FOXP2: variants seen among roughly 807,000 people sequenced by gnomAD.
FOXP2 encodes the protein forkhead box protein P2.
A neutral mutation model predicts 115.8 loss-of-function variants in FOXP2; 12 were observed. The ratio of observed to expected loss-of-function variants is 0.10; its 90% confidence interval spans 0.07 to 0.17. FOXP2 has a LOEUF of 0.17. Ranked by LOEUF, FOXP2 falls within the 10% of genes least tolerant of loss-of-function variation. The pLI, the probability that FOXP2 is intolerant of heterozygous loss-of-function variation, is 1.00. For synonymous variants in FOXP2, 328 were observed against 297.7 expected (o/e 1.10, Z -1.05); for missense variants, 629 against 843.5 (o/e 0.75, Z 3.15).
At chr7:114,158,278 C>T (rs1792725010), upstream of FOXP2, among the ~76,000 whole-genome samples, 1 of 152,050 alleles carries the variant, frequency 6.6e-6, no homozygotes, top group Non-Finnish European at 1.5e-5. Context: ...CGCAGGCTAG[C>T]CCATCCATTT....
chr7:114,431,289 C>G (rs1490008756), intron 2 of FOXP2, among the ~76,000 whole-genome samples: 2 of 151,904 alleles, frequency 1.3e-5, no homozygotes, highest in Non-Finnish European at 2.9e-5. Context: ...GATGGGGCGC[C>G]TTTTCTCATT....
At chr7:114,426,828 G>A (rs947872400) in intron 2 of FOXP2, 149 bp downstream of exon 2, 14 of 875,632 alleles carry the variant, frequency 1.6e-5, no homozygotes, top group African/African-American at 6.7e-5. Flanking sequence ...TGAAGGATGA[G>A]TAAAGAGATA....
intron 1 of FOXP2, among the ~76,000 whole-genome samples, chr7:114,181,144 C>G (rs891891603): frequency 6.6e-6 from 1 of 151,652 alleles, no homozygotes; most frequent in Non-Finnish European, 1.5e-5. Context: ...TCTTGTGTGC[C>G]TTGTGACCTT....
chr7:114,297,044 C>A, intron 2 of FOXP2: 1 of 346,908 alleles, frequency 2.9e-6, no homozygotes, highest in South Asian at 2.7e-5. Flanking sequence ...TAGTTATATC[C>A]ACTATATGCA....
intron 2 of FOXP2, among the ~76,000 whole-genome samples, chr7:114,334,881 G>T (rs1233529518): frequency 7.1e-6 from 1 of 140,402 alleles, no homozygotes; most frequent in Non-Finnish European, 1.5e-5. Flanking sequence ...TTAAATAAAG[G>T]ATATCTCTGT....
chr7:114,633,526 T>C (rs572709025), intron 6 of FOXP2, among the ~76,000 whole-genome samples: 258 of 152,336 alleles, frequency 1.7e-3, no homozygotes, highest in Middle Eastern at 0.014. Context: ...AACTATGTTT[T>C]CATTAATATA....
In FOXP2 at chr7:114,646,658, A is replaced by C. The variant is rs553806569; in HGVS notation, c.1094+1869A>C. Among the ~76,000 whole-genome samples the C allele has an allele frequency of 3.0e-4, 46 of 152,122 alleles. 1 individual carries two copies. Among genetic ancestry groups the C allele is most frequent in the African/African-American group, 9.9e-4 (41 of 41,554 alleles). ...TATTTTGATATGCTTTAGATTCACTAACTCAAAGATCTGTGATAAATTCTG... is the reference window on the plus strand; with the variant it reads ...TATTTTGATATGCTTTAGATTCACTCACTCAAAGATCTGTGATAAATTCTG... On this transcript the variant is annotated intron_variant, in intron 8 of 16. Transcript: ENST00000350908.
At chr7:114,521,584 T>C (rs1405768319) in intron 2 of FOXP2, among the ~76,000 whole-genome samples, 1 of 151,448 alleles carries the variant, frequency 6.6e-6, no homozygotes, top group East Asian at 1.9e-4. Context: ...GAATGATTTC[T>C]TTTTATACTT....
intron 2 of FOXP2, among the ~76,000 whole-genome samples, chr7:114,533,638 AGGCC>A (rs1249155797): frequency 2.0e-5 from 3 of 151,952 alleles, no homozygotes; most frequent in African/African-American, 4.8e-5. Flanking sequence ...ATAACATATT[AGGCC>A]AATGATTTAG....
At chr7:114,680,896 G>A (rs1463228572) in intron 16 of FOXP2, among the ~76,000 whole-genome samples, 1 of 152,176 alleles carries the variant, frequency 6.6e-6, no homozygotes, top group Non-Finnish European at 1.5e-5. Flanking sequence ...TTTATCACTA[G>A]GATAGTCAAG....
At chr7:114,172,583 G>A (rs1435542687) in intron 1 of FOXP2, among the ~76,000 whole-genome samples, 1 of 152,058 alleles carries the variant, frequency 6.6e-6, no homozygotes, top group Non-Finnish European at 1.5e-5. Context: ...AGAGGAAACT[G>A]GGTTTGTGTT....
At chr7:114,254,120 C>G (rs1174814606) in intron 1 of FOXP2, among the ~76,000 whole-genome samples, 1 of 151,994 alleles carries the variant, frequency 6.6e-6, no homozygotes, top group East Asian at 1.9e-4. Flanking sequence ...GAATATTGGC[C>G]CCCCACTCTC....
chr7:114,125,452 A>G (rs1791682704), intron 1 of FOXP2, among the ~76,000 whole-genome samples: 1 of 152,124 alleles, frequency 6.6e-6, no homozygotes, highest in Non-Finnish European at 1.5e-5. Flanking sequence ...TTGGACTTGT[A>G]TTAAGCCTCA....
chr7:114,449,242 G>A (rs1794965792), intron 2 of FOXP2, among the ~76,000 whole-genome samples: 1 of 151,748 alleles, frequency 6.6e-6, no homozygotes, highest in Non-Finnish European at 1.5e-5. Flanking sequence ...GTAGATAGAG[G>A]ATCTAAAAAT....
chr7:114,105,188 T>G (rs1376701581), intron 1 of FOXP2, among the ~76,000 whole-genome samples: 3 of 152,038 alleles, frequency 2.0e-5, no homozygotes, highest in African/African-American at 4.8e-5. Flanking sequence ...TTGTACCAGT[T>G]TTTGTGTAAT....
At chr7:114,358,344 C>A (rs1791664087) in intron 2 of FOXP2, among the ~76,000 whole-genome samples, 1 of 152,106 alleles carries the variant, frequency 6.6e-6, no homozygotes, top group Admixed American at 6.6e-5. Context: ...TTCTTCATAG[C>A]ATTATGAAAA....
At chr7:114,627,799 G>A (rs1469355277) in intron 3 of FOXP2, among the ~76,000 whole-genome samples, 2 of 151,910 alleles carry the variant, frequency 1.3e-5, no homozygotes, top group African/African-American at 4.8e-5. Context: ...CTAAATTTTT[G>A]TACTTCCTAT....
chr7:114,318,154 T>G (rs1056072786), intron 2 of FOXP2, among the ~76,000 whole-genome samples: 23 of 152,180 alleles, frequency 1.5e-4, no homozygotes, highest in African/African-American at 5.3e-4. Context: ...TGTTCTAATT[T>G]TAATAATTTT....
intron 3 of FOXP2, among the ~76,000 whole-genome samples, chr7:114,578,381 T>C (rs1801678391): frequency 1.3e-5 from 2 of 152,014 alleles, no homozygotes; most frequent in African/African-American, 4.8e-5. Flanking sequence ...GGACTGATAG[T>C]GTATTAGAGC....
Sources: allele counts gnomAD v4.1 joint callset (sites outside exome capture counted in the v4.1 genomes callset), GRCh38; gene constraint gnomAD v4.1.1; transcripts MANE v1.5; gene names NCBI Gene and HGNC (gene_info 2026-07-23, HGNC 2026-07-21).